Variants in ASIC2 observed in about 807,000 individuals in gnomAD.
ASIC2 encodes the protein acid sensing ion channel subunit 2, also known as acid-sensing ion channel 2.
ASIC2 carries 25 observed loss-of-function variants against 57.3 expected under a neutral mutation model. That is an observed-to-expected ratio of 0.44 (90% CI 0.32 to 0.61). The LOEUF (loss-of-function observed/expected upper bound fraction) is 0.61. Ranked by LOEUF, ASIC2 falls within the 20% of genes least tolerant of loss-of-function variation. ASIC2 has a pLI of 0.06. For missense variants in ASIC2, 641 were observed against 738.1 expected (o/e 0.87, Z 1.52); for synonymous variants, 319 against 307.5 (o/e 1.04, Z -0.39).
intron 2 of ASIC2, among the ~76,000 whole-genome samples, chr17:33,109,197 CT>C: frequency 6.6e-6 from 1 of 152,254 alleles, no homozygotes; most frequent in East Asian, 1.9e-4. Context: ...CACTAAAGAA[CT>C]TATTCATGTA....
intron 1 of ASIC2, among the ~76,000 whole-genome samples, chr17:33,203,097 G>A (rs2056287483): frequency 6.6e-6 from 1 of 152,118 alleles, no homozygotes; most frequent in South Asian, 2.1e-4. Context: ...AGACACATTG[G>A]CCCCTTTTGG....
intron 3 of ASIC2, among the ~76,000 whole-genome samples, chr17:33,055,285 C>T (rs2091993358): frequency 6.6e-6 from 1 of 152,134 alleles, no homozygotes; most frequent in Admixed American, 6.5e-5. Context: ...TCAGTGCTGG[C>T]CACCCAACTC....
At chr17:33,578,506 G>C (rs554393202) in intron 1 of ASIC2, among the ~76,000 whole-genome samples, 9 of 152,248 alleles carry the variant, frequency 5.9e-5, no homozygotes, top group Non-Finnish European at 8.8e-5. Flanking sequence ...AATTGGGACG[G>C]ATAGAAGAAT....
chr17:33,707,273 C>T (rs1908891288), intron 1 of ASIC2, among the ~76,000 whole-genome samples: 1 of 152,080 alleles, frequency 6.6e-6, no homozygotes, highest in Non-Finnish European at 1.5e-5. Context: ...AACCTATAAC[C>T]TTTAATTATG....
chr17:33,941,561 A>G (rs183659835), intron 1 of ASIC2, among the ~76,000 whole-genome samples: 9 of 152,282 alleles, frequency 5.9e-5, no homozygotes, highest in East Asian at 1.9e-4. Flanking sequence ...GCTATATCCA[A>G]TGGAAGTAGA....
chr17:33,051,299 A>T (rs1258285065), intron 3 of ASIC2, among the ~76,000 whole-genome samples: 1 of 152,110 alleles, frequency 6.6e-6, no homozygotes, highest in Non-Finnish European at 1.5e-5. Flanking sequence ...TGAGAACCCA[A>T]GTCTTTTGAA....
intron 1 of ASIC2, among the ~76,000 whole-genome samples, chr17:33,783,243 C>T (rs1458526358): frequency 2.0e-5 from 3 of 152,178 alleles, no homozygotes; most frequent in Non-Finnish European, 2.9e-5. Flanking sequence ...TCTCCTTCAC[C>T]GTTGTGGTTA....
At chr17:33,817,282 T>C (rs1354874188) in intron 1 of ASIC2, among the ~76,000 whole-genome samples, 2 of 152,252 alleles carry the variant, frequency 1.3e-5, no homozygotes, top group Admixed American at 1.3e-4. Flanking sequence ...TAGGTTTCCC[T>C]GAACTGTGCT....
intron 1 of ASIC2, among the ~76,000 whole-genome samples, chr17:33,592,176 A>G (rs764044044): frequency 3.9e-5 from 6 of 152,152 alleles, no homozygotes; most frequent in Non-Finnish European, 8.8e-5. Context: ...CTTCCATTCT[A>G]TCTTAGCTTG....
intron 1 of ASIC2, among the ~76,000 whole-genome samples, chr17:33,699,825 CT>C (rs1908641823): frequency 6.6e-6 from 1 of 152,194 alleles, no homozygotes; most frequent in Non-Finnish European, 1.5e-5. Context: ...GTGTTCTTCT[CT>C]GTAAAACAGA....
chr17:34,083,187 A>C (rs1297556642), intron 1 of ASIC2, among the ~76,000 whole-genome samples: 6 of 100,834 alleles, frequency 6.0e-5, no homozygotes, highest in East Asian at 3.4e-4. Context: ...CCCACCCCAC[A>C]ACAGTCCCCA....
At chr17:33,278,175 G>A (rs1487604031) in intron 1 of ASIC2, among the ~76,000 whole-genome samples, 1 of 150,014 alleles carries the variant, frequency 6.7e-6, no homozygotes, top group Non-Finnish European at 1.5e-5. Context: ...AGCCCCTGCT[G>A]TTCCCTATCA....
intron 1 of ASIC2, among the ~76,000 whole-genome samples, chr17:33,390,948 T>TCACTGGAGCTGTCTGAGA (rs1444489199): frequency 2.6e-5 from 4 of 152,144 alleles, no homozygotes; most frequent in African/African-American, 4.8e-5. Flanking sequence ...GAGGAAGAGA[T>TCACTGGAGCTGTCTGAGA]CACTGGAGCT....
intron 1 of ASIC2, among the ~76,000 whole-genome samples, chr17:33,351,627 C>G (rs1908184956): frequency 6.6e-6 from 1 of 152,186 alleles, no homozygotes; most frequent in Non-Finnish European, 1.5e-5. Flanking sequence ...TGTTTTCCTA[C>G]CTCCAAGCTG....
At chr17:33,294,143 A>T (rs1023220514), upstream of ASIC2, among the ~76,000 whole-genome samples, 3 of 151,882 alleles carry the variant, frequency 2.0e-5, no homozygotes, top group Non-Finnish European at 4.4e-5. Flanking sequence ...GGGACAGGAG[A>T]CTCCATCTTT....
At chr17:33,033,696 G>C (rs1253388136) in intron 3 of ASIC2, among the ~76,000 whole-genome samples, 1 of 152,194 alleles carries the variant, frequency 6.6e-6, no homozygotes, top group Non-Finnish European at 1.5e-5. Context: ...GCAGGAAGGG[G>C]ATGGGTCCCC....
chr17:34,100,184 GTTT>G (rs35700595), intron 1 of ASIC2, among the ~76,000 whole-genome samples: 16 of 130,648 alleles, frequency 1.2e-4, no homozygotes, highest in African/African-American at 4.5e-4. Context: ...TCTCTTTCTT[GTTT>G]TTTTTTTTTT....
At chr17:33,031,705 T>C (rs748653598) in intron 3 of ASIC2, among the ~76,000 whole-genome samples, 6 of 152,186 alleles carry the variant, frequency 3.9e-5, no homozygotes, top group Non-Finnish European at 8.8e-5. Flanking sequence ...TATCAAAACA[T>C]CTAACTATGA....
chr17:34,051,589 G>A (rs527617145), intron 1 of ASIC2: 3 of 152,270 alleles, frequency 2.0e-5, no homozygotes, highest in East Asian at 3.9e-4. Flanking sequence ...TGGGCATGGA[G>A]GTTCATGCCT....
Sources: allele counts gnomAD v4.1 joint callset (sites outside exome capture counted in the v4.1 genomes callset), GRCh38; gene constraint gnomAD v4.1.1; transcripts MANE v1.5; gene names NCBI Gene and HGNC (gene_info 2026-07-23, HGNC 2026-07-21).